Variants in HAAO observed in about 807,000 individuals in gnomAD.
HAAO encodes the protein 3-hydroxyanthranilate oxygenase.
Under a neutral mutation model 46.2 loss-of-function variants are expected in HAAO, and 49 were observed. The observed-to-expected ratio is 1.06, with a 90% CI of 0.84 to 1.34. The LOEUF is 1.34. HAAO is among the 40% of genes most tolerant of loss of function. HAAO has a pLI of 0.00. For synonymous variants in HAAO, 157 were observed against 145.2 expected, an observed-to-expected ratio of 1.08 and a Z score of -0.58; for missense variants, 408 against 364.5, an observed-to-expected ratio of 1.12 and a Z score of -0.97.
chr2:42,783,869 TG>T lies in HAAO; in HGVS notation c.160-3del. On this transcript the variant is annotated splice_polypyrimidine_tract_variant and splice_region_variant and intron_variant, in intron 2 of 9. Coordinates refer to ENST00000294973, the MANE Select transcript of HAAO (RefSeq NM_012205.3). ...GTCTCCCTCCAGCTGGTAAAATACC[TG>T]TGGGACAGGAGAGAGGCTTGGACCC... 14 of 1,607,852 alleles carry T rather than the reference TG, an allele frequency of 8.7e-6. No individual in the cohort carries two copies. The highest frequency in any genetic ancestry group is 1.2e-5 in the Non-Finnish European group (14 of 1,176,900).
At chr2:42,790,610 C>T (rs1013933934) in intron 1 of HAAO, among the ~76,000 whole-genome samples, 1 of 151,686 alleles carries the variant, frequency 6.6e-6, no homozygotes, top group African/African-American at 2.4e-5. Flanking sequence ...CGGCTCAGTG[C>T]AGCCTCCACC....
Position 42,788,416 on chromosome 2 carries a change from G to A in HAAO, c.159+113C>T, listed in dbSNP as rs965948631. 7.9e-6 allele frequency: 6 copies of A among 755,926 alleles called. No individual in the cohort carries two copies. The Admixed American group carries it at 9.2e-5, about 12-fold the overall frequency. The allele number at this position is 755,926 out of a possible 1,614,324, so 46.8% of individuals were successfully genotyped here. ...TGCCCCCTCCACTCATCAGCCACATGTCCACCCCTCTCCAGTCCATCATCT... is the reference window on the plus strand; with the variant it reads ...TGCCCCCTCCACTCATCAGCCACATATCCACCCCTCTCCAGTCCATCATCT... On this transcript the variant is annotated intron_variant, in intron 2 of 9. Transcript: ENST00000294973.
chr2:42,770,142 C>T lies in HAAO; in HGVS notation c.484+1G>A. 1 of 1,603,982 alleles carries T rather than the reference C, an allele frequency of 6.2e-7. No homozygotes were observed. Among genetic ancestry groups the T allele is most frequent in the Non-Finnish European group, 8.5e-7 (1 of 1,174,272 alleles). On this transcript the variant is annotated splice_donor_variant, in intron 6 of 9. Transcript: ENST00000294973. LOFTEE classifies it high-confidence loss of function. ...AGAAGGGCAGTTCCCAGCGGCCTCACCAGGGATGGGCTTTCCTGTTCTGTA... is the reference window on the plus strand; with the variant it reads ...AGAAGGGCAGTTCCCAGCGGCCTCATCAGGGATGGGCTTTCCTGTTCTGTA...
chr2:42,779,038 G>A (rs1000851690), intron 4 of HAAO, among the ~76,000 whole-genome samples: 17 of 152,040 alleles, frequency 1.1e-4, no homozygotes, highest in East Asian at 3.9e-4. Context: ...ACCTGGACCC[G>A]GGAGGTGGAG....
chr2:42,787,141 C>A (rs1672448758), intron 2 of HAAO, among the ~76,000 whole-genome samples: 1 of 152,194 alleles, frequency 6.6e-6, no homozygotes, highest in East Asian at 1.9e-4. Context: ...CCTGTGCTGG[C>A]CAGCTCTCCT....
chr2:42,778,521 A>T (rs55775428), intron 4 of HAAO, among the ~76,000 whole-genome samples: 2 of 151,842 alleles, frequency 1.3e-5, no homozygotes, highest in Non-Finnish European at 2.9e-5. Context: ...AGTAGAGATG[A>T]GGTTTCACCA....
At chr2:42,770,240 C>CGAG in intron 5 of HAAO, 54 bp from the exon 6 acceptor site, 1 of 1,457,380 alleles carries the variant, frequency 6.9e-7, no homozygotes, top group Admixed American at 1.9e-5. Flanking sequence ...ATCGGAGTGG[C>CGAG]CAGCGACACA....
intron 1 of HAAO, among the ~76,000 whole-genome samples, chr2:42,790,045 C>T (rs969986472): frequency 2.6e-5 from 4 of 152,100 alleles, no homozygotes; most frequent in African/African-American, 4.8e-5. Flanking sequence ...GCATGGATGA[C>T]GATGGTGTGG....
chr2:42,767,351 A>G lies in HAAO; in HGVS notation c.*86T>C. 1.2e-6 allele frequency: 1 copy of G among 860,102 alleles called. No homozygotes were observed. The highest frequency in any genetic ancestry group is 1.4e-5 in the South Asian group (1 of 71,470). 53.3% of individuals were successfully genotyped at this position (860,102 alleles called of 1,614,324 possible). ...ACACAGCGGCAGTACACAGAGAGGT[A>G]GTGGGGGCTGGGAGAGTTGTTTGGC... On this transcript the variant is annotated 3_prime_UTR_variant, in exon 10 of 10. Transcript: ENST00000294973.
chr2:42,783,375 C>T lies in HAAO; in HGVS notation c.289G>A (p.Ala97Thr), dbSNP rs1244224815. ...ARVPHSPQRF[A>T]NTVGLVVERR... ...TCAACCACCAGCCCCACGGTGTTGGCAAACCTCTGTGGTGAGTGGGGCACC... is the reference window on the plus strand; with the variant it reads ...TCAACCACCAGCCCCACGGTGTTGGTAAACCTCTGTGGTGAGTGGGGCACC... The change falls in exon 4 of 10, where the codon GCC (alanine) becomes ACC (threonine). Residue 97 changes from alanine to threonine, a missense_variant. Ala to Thr is a moderately conservative substitution (Grantham distance 58). Coordinates refer to ENST00000294973, the MANE Select transcript of HAAO (RefSeq NM_012205.3). 2.5e-6 allele frequency: 4 copies of T among 1,613,364 alleles called. No homozygotes were observed. In the East Asian group the frequency reaches 8.9e-5, roughly 36 times the overall value.
rs1670753385 is a variant in HAAO, at chr2:42,767,510, G to A, written c.788C>T (p.Ala263Val). The change falls in exon 10 of 10, where the codon GCC becomes GTC. Residue 263 changes from alanine to valine, a missense_variant. Transcript: ENST00000294973. ...SLLVLAGTSY[A>V]WERTQGSVAL... ...CACAGAGCCTTGTGTTCGCTCCCAG[G>A]CATACCTGTGGACACACAGATGAGC... 6.2e-6 allele frequency: 10 copies of A among 1,611,134 alleles called. No individual in the cohort carries two copies. The highest frequency in any genetic ancestry group is 2.2e-5 in the South Asian group (2 of 90,376).
At chr2:42,776,110 G>T (rs1252307808) in intron 4 of HAAO, among the ~76,000 whole-genome samples, 2 of 151,810 alleles carry the variant, frequency 1.3e-5, no homozygotes, top group Non-Finnish European at 2.9e-5. Context: ...ATTCGGTGTG[G>T]ACTTTGCCCA....
intron 2 of HAAO, among the ~76,000 whole-genome samples, chr2:42,784,691 A>C (rs764654631): frequency 1.3e-5 from 2 of 152,198 alleles, no homozygotes; most frequent in Non-Finnish European, 2.9e-5. Flanking sequence ...CCAGCCAAAT[A>C]CTTGAAGGAA....
At chr2:42,783,737 G>A (rs567248567) in intron 3 of HAAO, 47 bp downstream of exon 3, 1 of 1,516,088 alleles carries the variant, frequency 6.6e-7, no homozygotes, top group Admixed American at 1.8e-5. Context: ...GCGGATTCCA[G>A]CTGTGGCCGC....
intron 5 of HAAO, 79 bp downstream of exon 5, chr2:42,770,414 G>T: frequency 8.9e-7 from 1 of 1,117,558 alleles, no homozygotes; most frequent in Non-Finnish European, 1.3e-6. Context: ...CCCTGGGAGG[G>T]GAGACTTTCT....
chr2:42,767,899 T>C lies in HAAO; in HGVS notation c.660A>G (p.Glu220=). 1 of 1,613,968 alleles carries C rather than the reference T, an allele frequency of 6.2e-7. No homozygotes were observed. Among genetic ancestry groups the C allele is most frequent in the African/African-American group, 1.3e-5 (1 of 75,056 alleles). ...QVIAYGQGSS[E]GLRQNVDVWL... is the part of the protein sequence containing the mutation. ...ACACGTCCACATTCTGTCTCAGGCC[T>C]TCGCTGCTGCCTTGCCCATAGGCGA... Residue 220 remains glutamate, a synonymous_variant, in exon 8 of 10, where the codon GAA becomes GAG. Coordinates refer to ENST00000294973, the MANE Select transcript of HAAO (RefSeq NM_012205.3).
At chr2:42,790,676 C>T (rs1378726972) in intron 1 of HAAO, among the ~76,000 whole-genome samples, 6 of 152,116 alleles carry the variant, frequency 3.9e-5, no homozygotes, top group South Asian at 2.1e-4. Flanking sequence ...GGACTACAGG[C>T]GCGTGCCACC....
intron 2 of HAAO, among the ~76,000 whole-genome samples, chr2:42,788,087 C>A (rs1672520001): frequency 6.6e-6 from 1 of 152,174 alleles, no homozygotes; most frequent in African/African-American, 2.4e-5. Context: ...CCCTCGAACT[C>A]CCTCTGCCAC....
intron 4 of HAAO, chr2:42,783,010 C>G (rs1235625037): frequency 4.3e-6 from 2 of 468,846 alleles, no homozygotes; most frequent in Non-Finnish European, 7.9e-6. Context: ...TAACTGAGAC[C>G]TGTCTCGAAT....
Sources: allele counts gnomAD v4.1 joint callset (sites outside exome capture counted in the v4.1 genomes callset), GRCh38; gene constraint gnomAD v4.1.1; transcripts MANE v1.5; gene names NCBI Gene and HGNC (gene_info 2026-07-23, HGNC 2026-07-21).